Variants in TBX4 observed in about 807,000 individuals in gnomAD.
TBX4 encodes the protein T-box transcription factor 4, also known as T-box transcription factor TBX4.
TBX4 carries 13 observed loss-of-function variants against 54.6 expected under a neutral mutation model. That is an observed-to-expected ratio of 0.24 (90% CI 0.15 to 0.38). The LOEUF (loss-of-function observed/expected upper bound fraction) is 0.38. Among genes scored for constraint, TBX4 ranks in the 10% least tolerant of loss-of-function variants. The pLI is 1.00. For synonymous variants in TBX4, 314 were observed against 306.7 expected (o/e 1.02, Z -0.25); for missense variants, 631 against 728.5 (o/e 0.87, Z 1.54).
intron 1 of TBX4, among the ~76,000 whole-genome samples, chr17:61,454,682 C>A (rs2060434475): frequency 6.6e-6 from 1 of 152,232 alleles, no homozygotes; most frequent in Admixed American, 6.5e-5. Flanking sequence ...GCTGCGGGAC[C>A]GGCGTCAGTG....
In TBX4 at chr17:61,483,627, T is replaced by A. The variant is rs2060683223; in HGVS notation, c.*111T>A. The A allele has an allele frequency of 9.6e-7, 1 of 1,036,620 alleles. No homozygotes were observed. Among genetic ancestry groups the A allele is most frequent in the African/African-American group, 1.6e-5 (1 of 62,220 alleles). The allele number at this position is 1,036,620 out of a possible 1,614,324, so 64.2% of individuals were successfully genotyped here. On this transcript the variant is annotated 3_prime_UTR_variant, in exon 9 of 9. Transcript: ENST00000644296. This position sits in a 1 kb window ranked among gnomAD's most constrained non-coding sequence, Gnocchi z 6.6. The stretch of plus-strand genomic sequence containing the variant: ...GAAGGTATTCCAGTGTGTGTGTGTG[T>A]GTGTGTGTGTGTGTGTGTGTGTGTG...
rs2060465744 is a variant in TBX4, at chr17:61,457,899, A to G, written c.281+268A>G. ...TCCAAACAGGGATCGCGACGCTCAAAAGTCCCAGCTCCAGCACTTTTGGCC... is the reference window on the plus strand; with the variant it reads ...TCCAAACAGGGATCGCGACGCTCAAGAGTCCCAGCTCCAGCACTTTTGGCC... On this transcript the variant is annotated intron_variant, in intron 3 of 8. Transcript: ENST00000644296. The surrounding 1 kb of genome is among the most constrained non-coding windows in gnomAD (Gnocchi z 8.2). 6.6e-6 allele frequency among the ~76,000 whole-genome samples: 1 copy of G among 152,204 alleles called. No homozygotes were observed. Among genetic ancestry groups the G allele is most frequent in the South Asian group, 2.1e-4 (1 of 4,836 alleles).
In TBX4 at chr17:61,460,908, G is replaced by C. The variant is rs777589144; in HGVS notation, c.281+3277G>C. On this transcript the variant is annotated intron_variant, in intron 3 of 8. Coordinates refer to ENST00000644296, the MANE Select transcript of TBX4 (RefSeq NM_001321120.2). The surrounding 1 kb of genome is among the most constrained non-coding windows in gnomAD (Gnocchi z 4.4). Reference sequence around the variant, plus strand: ...ATTTGCGTTTGAAAAATGAACTACCGATGAGAACTCCTGTTGAACCTGTAT... The same window carrying C: ...ATTTGCGTTTGAAAAATGAACTACCCATGAGAACTCCTGTTGAACCTGTAT... Among the ~76,000 whole-genome samples the C allele has an allele frequency of 6.6e-6, 1 of 152,168 alleles. No homozygotes were observed. Among genetic ancestry groups the C allele is most frequent in the Non-Finnish European group, 1.5e-5 (1 of 68,030 alleles).
In TBX4 at chr17:61,478,329, G is replaced by T; in HGVS notation, c.550-298G>T. On this transcript the variant is annotated intron_variant, in intron 5 of 8. Transcript: ENST00000644296. The surrounding 1 kb of genome is among the most constrained non-coding windows in gnomAD (Gnocchi z 7.4). ...GCTGAGTTCACAGTGGGCTTTGACA[G>T]TGTTAAGGGCTGACTCAAGTTCTCC... 1 of 460,284 alleles carries T rather than the reference G, an allele frequency of 2.2e-6. No individual in the cohort carries two copies. The highest frequency in any genetic ancestry group is 6.3e-4 in the Middle Eastern group (1 of 1,596). 28.5% of individuals were successfully genotyped at this position (460,284 alleles called of 1,614,324 possible).
In TBX4 at chr17:61,465,713, C is replaced by G; in HGVS notation, c.282-106C>G. The G allele has an allele frequency of 1.3e-6, 2 of 1,482,512 alleles. No individual in the cohort carries two copies. The highest frequency in any genetic ancestry group is 1.9e-6 in the Non-Finnish European group (2 of 1,072,580). The allele number at this position is 1,482,512 out of a possible 1,614,324, so 91.8% of individuals were successfully genotyped here. ...CTGTGACCAATGCCAGGATCGCTGG[C>G]CAAAAGGGCAGCATCTGTTAGCGGC... is the stretch of plus-strand genomic sequence containing the variant. On this transcript the variant is annotated intron_variant, in intron 3 of 8. Transcript: ENST00000644296. This position sits in a 1 kb window ranked among gnomAD's most constrained non-coding sequence, Gnocchi z 4.9.
At chr17:61,482,786 G>A in intron 8 of TBX4, 111 bp from the exon 9 acceptor site, 1 of 1,501,266 alleles carries the variant, frequency 6.7e-7, no homozygotes, top group Non-Finnish European at 9.0e-7. Flanking sequence ...ATGGCAACAT[G>A]GGGAGGGCGG....
chr17:61,466,199 T>G (rs1162134587), intron 4 of TBX4, among the ~76,000 whole-genome samples: 1 of 152,160 alleles, frequency 6.6e-6, no homozygotes, highest in Non-Finnish European at 1.5e-5. Context: ...GTCTGTACTC[T>G]CCTTATGGCC....
At chr17:61,452,944 A>G (rs1230857078) in intron 1 of TBX4, 2 of 985,372 alleles carry the variant, frequency 2.0e-6, no homozygotes, top group Non-Finnish European at 1.2e-6. Context: ...ATGCAAGGCC[A>G]AGGAAGAGGG....
At chr17:61,456,761 G>A (rs2060453709) in intron 2 of TBX4, 85 bp downstream of exon 2, 1 of 1,103,294 alleles carries the variant, frequency 9.1e-7, no homozygotes, top group Non-Finnish European at 1.2e-6. Flanking sequence ...TCCGATTGTC[G>A]GCAGGACTCG....
chr17:61,453,577 G>A (rs1323757883), intron 1 of TBX4, among the ~76,000 whole-genome samples: 1 of 152,164 alleles, frequency 6.6e-6, no homozygotes, highest in Non-Finnish European at 1.5e-5. Flanking sequence ...AATAATGGTT[G>A]AGTAATAAGA....
intron 5 of TBX4, among the ~76,000 whole-genome samples, chr17:61,469,271 A>T (rs918978531): frequency 6.6e-6 from 1 of 152,152 alleles, no homozygotes; most frequent in Non-Finnish European, 1.5e-5. Context: ...ACAGCCCAGC[A>T]GTAGCTTTTC....
At chr17:61,471,906 T>C (rs1038155867) in intron 5 of TBX4, among the ~76,000 whole-genome samples, 1 of 144,988 alleles carries the variant, frequency 6.9e-6, no homozygotes, top group Non-Finnish European at 1.5e-5. Context: ...TTTTTTTTTT[T>C]TTTTTTTTTT....
At chr17:61,467,900 CT>C (rs1330740218) in intron 5 of TBX4, among the ~76,000 whole-genome samples, 1 of 152,210 alleles carries the variant, frequency 6.6e-6, no homozygotes, top group African/African-American at 2.4e-5. Context: ...CCTCACTTTC[CT>C]TGTCTAGAAA....
rs535948329 is a variant in TBX4 at position 61,461,417 on chromosome 17, C to T, written c.281+3786C>T. Among the ~76,000 whole-genome samples the T allele has an allele frequency of 1.4e-4, 21 of 152,248 alleles. No individual in the cohort carries two copies. The highest frequency in any genetic ancestry group is 4.8e-4 in the African/African-American group (20 of 41,562). ...CTAACCCCAGCCTTGGATGCTGGGC[C>T]CTGGCCTCTTCCCCGTACACCCAGG... is the stretch of plus-strand genomic sequence containing the variant. On this transcript the variant is annotated intron_variant, in intron 3 of 8. Coordinates refer to ENST00000644296, the MANE Select transcript of TBX4 (RefSeq NM_001321120.2). This position sits in a 1 kb window ranked among gnomAD's most constrained non-coding sequence, Gnocchi z 5.1.
chr17:61,467,444 G>C, intron 4 of TBX4, 66 bp from the exon 5 acceptor site: 1 of 1,604,728 alleles, frequency 6.2e-7, no homozygotes, highest in Non-Finnish European at 8.5e-7. Flanking sequence ...GCTCCAAGAG[G>C]GGACGGGGAA....
chr17:61,466,995 A>G (rs907294862), intron 4 of TBX4, among the ~76,000 whole-genome samples: 1 of 152,100 alleles, frequency 6.6e-6, no homozygotes, highest in African/African-American at 2.4e-5. Context: ...TTGTCTCTGT[A>G]AAAAATGTAA....
Position 61,483,325 on chromosome 17 carries a change from C to G in TBX4, c.1450C>G (p.Arg484Gly), listed in dbSNP as rs749007884. The G allele has an allele frequency of 1.2e-6, 2 of 1,610,578 alleles. No individual in the cohort carries two copies. Among genetic ancestry groups the G allele is most frequent in the Non-Finnish European group, 1.7e-6 (2 of 1,177,112 alleles). The change falls in exon 9 of 9, where the codon CGA (arginine) becomes GGA (glycine). Residue 484 changes from arginine to glycine, a missense_variant. Arg to Gly is a moderately radical substitution (Grantham distance 125, BLOSUM62 -2). Transcript: ENST00000644296. This position sits in a 1 kb window ranked among gnomAD's most constrained non-coding sequence, Gnocchi z 6.6. Reference sequence around the variant, plus strand: ...CAATCAGCTCTCCCAGTCTCAGGTCCGAGAGCGGGGGCCCAGCGCCTCATT... The same window carrying G: ...CAATCAGCTCTCCCAGTCTCAGGTCGGAGAGCGGGGGCCCAGCGCCTCATT... ...VYNQLSQSQV[R>G]ERGPSASFPR... is the part of the protein sequence containing the mutation.
In TBX4 at chr17:61,456,631, C is replaced by A; in HGVS notation, c.141C>A (p.Pro47=). Residue 47 remains proline, a synonymous_variant, in exon 2 of 9, where the codon CCC becomes CCA. Transcript: ENST00000644296. ...TCAGCGGAGCCGCGCTAGGCAGCCC[C>A]CCGGGACCCGGGGCCGACGTCGTCG... ...PGLSGAALGS[P]PGPGADVVAA... 7.3e-7 allele frequency: 1 copy of A among 1,361,690 alleles called. No homozygotes were observed. Among genetic ancestry groups the A allele is most frequent in the Non-Finnish European group, 9.5e-7 (1 of 1,057,110 alleles). The allele number at this position is 1,361,690 out of a possible 1,614,324, so 84.4% of individuals were successfully genotyped here.
rs1439264057 is a variant in TBX4 at position 61,455,860 on chromosome 17, G to C, written c.-3-628G>C. 3.3e-5 allele frequency among the ~76,000 whole-genome samples: 5 copies of C among 152,332 alleles called. No homozygotes were observed. The East Asian group carries it at 5.8e-4, about 18-fold the overall frequency. ...TGTGAGGATGTCTGTGCCAGAACGG[G>C]AAGAGGATGTGTGTGGACGGGGAGT... On this transcript the variant is annotated intron_variant, in intron 1 of 8. Transcript: ENST00000644296.
Sources: allele counts gnomAD v4.1 joint callset (sites outside exome capture counted in the v4.1 genomes callset), GRCh38; gene constraint gnomAD v4.1.1; non-coding constraint Gnocchi (gnomAD v3.1); transcripts MANE v1.5; gene names NCBI Gene and HGNC (gene_info 2026-07-23, HGNC 2026-07-21).